The following KDM6A variants were observed in gnomAD, a reference collection of about 807,000 sequenced individuals.
KDM6A encodes lysine demethylase 6A.
KDM6A carries 11 observed loss-of-function variants against 117.6 expected under a neutral mutation model. The ratio of observed to expected loss-of-function variants is 0.09; its 90% confidence interval spans 0.06 to 0.15. KDM6A has a LOEUF of 0.15. Among genes scored for constraint, KDM6A ranks in the 10% least tolerant of loss-of-function variants. The pLI, the probability that KDM6A is intolerant of heterozygous loss-of-function variation, is 1.00. For missense variants in KDM6A, 799 were observed against 1,077.3 expected, an observed-to-expected ratio of 0.74 and a Z score of 3.62; for synonymous variants, 384 against 396.1, an observed-to-expected ratio of 0.97 and a Z score of 0.36.
chrX:44,971,375 A>AT (rs753224076), intron 3 of KDM6A, among the ~76,000 whole-genome samples: 11 of 111,206 alleles, frequency 9.9e-5, no homozygotes, highest in Admixed American at 9.6e-4. Context: ...TGTAAAAGTT[A>AT]TTTTTTCAGA....
At chrX:44,960,007 A>G (rs1195953595) in intron 2 of KDM6A, among the ~76,000 whole-genome samples, 1 of 111,741 alleles carries the variant, frequency 8.9e-6, no homozygotes, top group Non-Finnish European at 1.9e-5. Context: ...CTTGTTGAAT[A>G]TTTATGTGCT....
At chrX:45,000,761 C>A (rs2041103113) in intron 4 of KDM6A, among the ~76,000 whole-genome samples, 1 of 112,639 alleles carries the variant, frequency 8.9e-6, no homozygotes, top group Non-Finnish European at 1.9e-5. Context: ...GGGGGCTGAC[C>A]CGCAGGGTGC....
intron 2 of KDM6A, among the ~76,000 whole-genome samples, chrX:44,913,744 G>GTA (rs762465433): frequency 0.056 from 6,011 of 107,233 alleles, 321 homozygotes; most frequent in African/African-American, 0.15. Context: ...GTGTGTGTGC[G>GTA]TATATATATA....
intron 4 of KDM6A, among the ~76,000 whole-genome samples, chrX:44,995,263 C>A (rs1038370951): frequency 1.8e-5 from 2 of 110,648 alleles, no homozygotes; most frequent in African/African-American, 6.6e-5. Context: ...TTTCTGTATT[C>A]TCCTTTTTTT....
chrX:45,056,492 TAGC>T (rs1438700837), intron 10 of KDM6A, among the ~76,000 whole-genome samples: 1 of 112,187 alleles, frequency 8.9e-6, no homozygotes, highest in African/African-American at 3.2e-5. Flanking sequence ...TCTGTTTTGC[TAGC>T]ACCAATCATT....
At chrX:44,887,084 G>A (rs896083229) in intron 2 of KDM6A, among the ~76,000 whole-genome samples, 16 of 108,183 alleles carry the variant, frequency 1.5e-4, no homozygotes, top group African/African-American at 5.4e-4. Context: ...CACCACTCCT[G>A]GTTTTTGTAT....
chrX:45,040,121 C>T (rs779158489), intron 8 of KDM6A, among the ~76,000 whole-genome samples: 1,453 of 57,759 alleles, frequency 0.025, 55 homozygotes, highest in African/African-American at 0.1. Flanking sequence ...CCGGATGGGG[C>T]GGCTGGCCGG....
At chrX:45,001,980 CTT>C (rs767999613) in intron 4 of KDM6A, among the ~76,000 whole-genome samples, 12 of 111,106 alleles carry the variant, frequency 1.1e-4, no homozygotes, top group African/African-American at 3.9e-4. Context: ...TGCTAAAAGA[CTT>C]TTAGTTTTGA....
At chrX:44,976,390 C>A (rs760453343) in intron 4 of KDM6A, among the ~76,000 whole-genome samples, 1 of 110,738 alleles carries the variant, frequency 9.0e-6, no homozygotes, top group South Asian at 3.8e-4. Flanking sequence ...ATATAGTCAC[C>A]CCTCAGTATC....
intron 2 of KDM6A, among the ~76,000 whole-genome samples, chrX:44,953,914 A>G (rs1371888956): frequency 1.8e-5 from 2 of 110,277 alleles, no homozygotes; most frequent in Admixed American, 9.7e-5. Context: ...AAAATTAGCC[A>G]GGCGTGGTGG....
At chrX:45,015,063 TTTCTTTTTTCTTTTCTC>T (rs1263584965) in intron 5 of KDM6A, among the ~76,000 whole-genome samples, 3 of 110,070 alleles carry the variant, frequency 2.7e-5, no homozygotes, top group African/African-American at 1.0e-4. Context: ...CTACTAAAGT[TTTCTTTTTTCTTTTCTC>T]TTCTTTTTTC....
chrX:45,076,072 A>G (rs1405714425), intron 18 of KDM6A, among the ~76,000 whole-genome samples: 1 of 111,584 alleles, frequency 9.0e-6, no homozygotes, highest in South Asian at 3.7e-4. Context: ...TAACAGAGTG[A>G]TACCTTCATC....
At position 45,002,869 on chromosome X, in the gene KDM6A, C is replaced by G. The variant is rs1228018757; in HGVS notation, c.385-8092C>G. ...AAATTCTTCCCCTCCCCGCCCCCCC[C>G]CCCCTTTTCATTCTTCTCCAAAGTG... On this transcript the variant is annotated intron_variant, in intron 4 of 29. Transcript: ENST00000611820. Among the ~76,000 whole-genome samples the G allele has an allele frequency of 4.2e-5, 3 of 71,949 alleles. 1 individual carries two copies. The Middle Eastern group carries it at 0.024, about 567-fold the overall frequency. 62.5% of individuals were successfully genotyped at this position (71,949 alleles called of 115,157 possible).
chrX:44,932,351 T>A (rs2036684718), intron 2 of KDM6A, among the ~76,000 whole-genome samples: 1 of 109,503 alleles, frequency 9.1e-6, no homozygotes. Context: ...CCTCAGGTGG[T>A]CCGCCTGCCT....
At chrX:45,006,703 G>GT (rs201449760) in intron 4 of KDM6A, among the ~76,000 whole-genome samples, 5,363 of 111,111 alleles carry the variant, frequency 0.048, 338 homozygotes, top group African/African-American at 0.17. Flanking sequence ...AGGTTGCTTT[G>GT]TGAGGAAGTT....
intron 25 of KDM6A, 62 bp downstream of exon 25, chrX:45,086,041 A>G (rs933982026): frequency 2.0e-5 from 13 of 661,666 alleles, no homozygotes; most frequent in East Asian, 6.7e-5. Flanking sequence ...GTAAACGACA[A>G]CTTACCAAGC....
At chrX:44,886,303 C>T (rs936999356) in intron 2 of KDM6A, among the ~76,000 whole-genome samples, 1 of 110,623 alleles carries the variant, frequency 9.0e-6, no homozygotes, top group Non-Finnish European at 1.9e-5. Context: ...CCGCCTTGGC[C>T]CCCCAAAGTG....
At position 44,873,369 on chromosome X, in the gene KDM6A, TGCCGCCGCCGCC is replaced by T; in HGVS notation, c.-176_-165del. The T allele has an allele frequency of 1.8e-6, 1 of 569,258 alleles. No homozygotes were observed. Among genetic ancestry groups the T allele is most frequent in the Non-Finnish European group, 2.6e-6 (1 of 385,446 alleles). 46.9% of individuals were successfully genotyped at this position (569,258 alleles called of 1,213,427 possible). On this transcript the variant is annotated 5_prime_UTR_variant, in exon 1 of 30. Coordinates refer to ENST00000611820, the MANE Select transcript of KDM6A (RefSeq NM_001291415.2). ...GCCGACCCGGGGGCTCCGCAGCCCC[TGCCGCCGCCGCC>T]GCCGCCTTCACCGCCGCCGCGTTGG...
intron 20 of KDM6A, 60 bp from the exon 21 acceptor site, chrX:45,079,086 C>A (rs2148116752): frequency 2.1e-6 from 2 of 950,078 alleles, no homozygotes; most frequent in Non-Finnish European, 2.9e-6. Context: ...AAAAAAAGCA[C>A]TTAAAATATT....
Sources: gnomAD v4.1 joint callset for allele counts (sites outside exome capture counted in the v4.1 genomes callset) on GRCh38, gnomAD v4.1.1 for gene constraint, MANE v1.5 for transcripts, NCBI Gene and HGNC (gene_info 2026-07-23, HGNC 2026-07-21) for gene names.